The following PHLPP2 variants were observed in gnomAD, a reference collection of about 807,000 sequenced individuals.
The protein encoded by PHLPP2 is PH domain leucine-rich repeat-containing protein phosphatase 2.
A neutral mutation model predicts 124.9 loss-of-function variants in PHLPP2; 66 were observed. That is an observed-to-expected ratio of 0.53 (90% CI 0.43 to 0.65). PHLPP2 has a LOEUF of 0.65. Among genes scored for constraint, PHLPP2 ranks in the 30% least tolerant of loss-of-function variants. The pLI is 0.00. For synonymous variants in PHLPP2, 681 were observed against 624.7 expected (o/e 1.09, Z -1.34); for missense variants, 1,685 against 1,600.4 (o/e 1.05, Z -0.90).
intron 6 of PHLPP2, among the ~76,000 whole-genome samples, chr16:71,680,494 T>C (rs181962727): frequency 1.3e-5 from 2 of 152,340 alleles, no homozygotes; most frequent in Admixed American, 6.5e-5. Context: ...TGTTATAAAA[T>C]GGATCTCCTG....
chr16:71,695,339 G>C lies in PHLPP2; in HGVS notation c.419-4630C>G, dbSNP rs561131297. Among the ~76,000 whole-genome samples the C allele has an allele frequency of 1.2e-4, 18 of 152,260 alleles. No individual in the cohort carries two copies. The East Asian group carries it at 3.5e-3, about 29-fold the overall frequency. ...TTAACCGTCCAAAACTGGAAACAAA[G>C]TAAATGTCCATCACTAAGGAGATGG... On this transcript the variant is annotated intron_variant, in intron 3 of 18. Coordinates refer to ENST00000568954, the MANE Select transcript of PHLPP2 (RefSeq NM_015020.3).
rs751708501 is a variant in PHLPP2 at position 71,652,899 on chromosome 16, G to A, written c.2708C>T (p.Ala903Val). 3.7e-6 allele frequency: 6 copies of A among 1,614,016 alleles called. No homozygotes were observed. The highest frequency in any genetic ancestry group is 1.6e-4 in the Middle Eastern group (1 of 6,062). ...LTVANVGTCQAVLCRGGKPVP... is the reference protein window; with the variant it reads ...LTVANVGTCQVVLCRGGKPVP... ...TGGCTTCCCACCTCGGCACAGGACTGCTTGGCACGTGCCAACATTGGCTAC... is the reference window on the plus strand; with the variant it reads ...TGGCTTCCCACCTCGGCACAGGACTACTTGGCACGTGCCAACATTGGCTAC... The change falls in exon 18 of 19, where the codon GCA becomes GTA. Residue 903 changes from alanine (A) to valine (V), a missense_variant. Physicochemically the swap from Ala to Val is moderately conservative, Grantham distance 64. Coordinates refer to ENST00000568954, the MANE Select transcript of PHLPP2 (RefSeq NM_015020.3).
intron 2 of PHLPP2, among the ~76,000 whole-genome samples, chr16:71,704,963 T>C (rs2045263105): frequency 6.6e-6 from 1 of 152,198 alleles, no homozygotes; most frequent in Non-Finnish European, 1.5e-5. Context: ...GATCTTCAAA[T>C]GTTCAGACGG....
At chr16:71,662,558 A>G (rs886094943) in intron 13 of PHLPP2, among the ~76,000 whole-genome samples, 4 of 152,170 alleles carry the variant, frequency 2.6e-5, no homozygotes, top group Non-Finnish European at 5.9e-5. Flanking sequence ...CTGAAGCTCT[A>G]TCTCATGTTG....
chr16:71,700,185 C>T (rs996344100), intron 3 of PHLPP2, among the ~76,000 whole-genome samples: 13 of 151,912 alleles, frequency 8.6e-5, no homozygotes, highest in African/African-American at 3.1e-4. Context: ...TCACTTGAGC[C>T]CAGGAGTTTG....
chr16:71,700,996 A>C (rs1410263642), intron 3 of PHLPP2, among the ~76,000 whole-genome samples: 1 of 152,116 alleles, frequency 6.6e-6, no homozygotes, highest in African/African-American at 2.4e-5. Context: ...AGCCCTATGG[A>C]AAGATCCACA....
chr16:71,694,419 C>A (rs978412329), intron 3 of PHLPP2, among the ~76,000 whole-genome samples: 5 of 151,982 alleles, frequency 3.3e-5, no homozygotes, highest in African/African-American at 9.7e-5. Flanking sequence ...CGAGATCATG[C>A]CATTGCACTC....
intron 3 of PHLPP2, among the ~76,000 whole-genome samples, 174 bp downstream of exon 3, chr16:71,702,424 C>T (rs2045240993): frequency 6.6e-6 from 1 of 152,310 alleles, no homozygotes; most frequent in South Asian, 2.1e-4. Context: ...TTAAAGTGTT[C>T]CCTTACCCCT....
At chr16:71,688,482 T>C (rs1286558174) in intron 4 of PHLPP2, among the ~76,000 whole-genome samples, 1 of 152,198 alleles carries the variant, frequency 6.6e-6, no homozygotes, top group East Asian at 1.9e-4. Flanking sequence ...CATTCTCTCT[T>C]AGAAAATTCT....
chr16:71,718,659 G>C (rs943843445), intron 1 of PHLPP2, among the ~76,000 whole-genome samples: 1 of 148,164 alleles, frequency 6.7e-6, no homozygotes, highest in Admixed American at 6.7e-5. Flanking sequence ...TGAGGTCAGG[G>C]GTTCAAGACC....
intron 3 of PHLPP2, among the ~76,000 whole-genome samples, chr16:71,691,251 G>A (rs957966711): frequency 2.6e-5 from 4 of 151,980 alleles, no homozygotes; most frequent in Non-Finnish European, 4.4e-5. Context: ...TCAGGAGATC[G>A]AGACCATCCT....
chr16:71,698,527 G>T, intron 3 of PHLPP2: 2 of 706,712 alleles, frequency 2.8e-6, no homozygotes, highest in South Asian at 1.4e-5. Flanking sequence ...CCTAGACTGG[G>T]GATAGCACAA....
At chr16:71,669,135 A>G (rs1246282832) in intron 11 of PHLPP2, 140 bp downstream of exon 11, 2 of 576,480 alleles carry the variant, frequency 3.5e-6, no homozygotes, top group Non-Finnish European at 6.2e-6. Context: ...TGTTCCTTAC[A>G]GCACATCACA....
At chr16:71,709,447 TA>T (rs1247817797) in intron 2 of PHLPP2, among the ~76,000 whole-genome samples, 1 of 150,748 alleles carries the variant, frequency 6.6e-6, no homozygotes, top group Admixed American at 6.6e-5. Flanking sequence ...AAATAAAAAT[TA>T]AAAAAAAAGA....
At chr16:71,667,961 G>A (rs929559228) in intron 11 of PHLPP2, among the ~76,000 whole-genome samples, 6 of 151,946 alleles carry the variant, frequency 3.9e-5, no homozygotes, top group Non-Finnish European at 8.8e-5. Context: ...ATTCCCTGCC[G>A]CCTTCACCAA....
intron 1 of PHLPP2, among the ~76,000 whole-genome samples, chr16:71,721,150 A>AG (rs2045395881): frequency 6.6e-6 from 1 of 151,816 alleles, no homozygotes; most frequent in Admixed American, 6.6e-5. Flanking sequence ...CTAGGCAACA[A>AG]GGTAAGACCT....
chr16:71,722,144 G>A (rs1046877354), intron 1 of PHLPP2, among the ~76,000 whole-genome samples: 1 of 152,116 alleles, frequency 6.6e-6, no homozygotes, highest in South Asian at 2.1e-4. Context: ...TAACAAAACT[G>A]TATGAGGCCG....
intron 1 of PHLPP2, among the ~76,000 whole-genome samples, chr16:71,722,532 T>C (rs1249054674): frequency 6.6e-6 from 1 of 152,242 alleles, no homozygotes; most frequent in Non-Finnish European, 1.5e-5. Flanking sequence ...CTGGGTTCTA[T>C]TATTGTTTTT....
intron 9 of PHLPP2, 150 bp downstream of exon 9, chr16:71,676,297 G>T: frequency 1.6e-6 from 1 of 626,054 alleles, no homozygotes; most frequent in Non-Finnish European, 2.8e-6. Context: ...CTTAAGTATT[G>T]ACAGCAAAGT....
Sources: allele counts gnomAD v4.1 joint callset (sites outside exome capture counted in the v4.1 genomes callset), GRCh38; gene constraint gnomAD v4.1.1; transcripts MANE v1.5; gene names NCBI Gene and HGNC (gene_info 2026-07-23, HGNC 2026-07-21).